Variants in MTFR1L observed in about 807,000 individuals in gnomAD.
The protein encoded by MTFR1L is mitochondrial fission regulator 1 like, also known as mitochondrial fission regulator 1-like.
In MTFR1L, 10 loss-of-function variants were observed where a neutral mutation model predicts 27.9. That is an observed-to-expected ratio of 0.36 (90% CI 0.22 to 0.61). The LOEUF (loss-of-function observed/expected upper bound fraction) is 0.61, where lower values mean the gene tolerates loss of function less well. Ranked by LOEUF, MTFR1L falls within the 20% of genes least tolerant of loss-of-function variation. The pLI is 0.73. For synonymous variants in MTFR1L, 151 were observed against 139.4 expected, an observed-to-expected ratio of 1.08 and a Z score of -0.58; for missense variants, 315 against 363.7, an observed-to-expected ratio of 0.87 and a Z score of 1.09.
In MTFR1L at chr1:25,826,257, T is replaced by C. The variant is rs748088147; in HGVS notation, c.130-45T>C. 6.4e-7 allele frequency: 1 copy of C among 1,555,646 alleles called. No homozygotes were observed. The highest frequency in any genetic ancestry group is 1.1e-5 in the South Asian group (1 of 89,028). ...GTGTATTCTGCAGTTTCTGATTGGCTCATCATGGCATCTGTAAATGTTGAT... is the reference window on the plus strand; with the variant it reads ...GTGTATTCTGCAGTTTCTGATTGGCCCATCATGGCATCTGTAAATGTTGAT... On this transcript the variant is annotated intron_variant, in intron 3 of 6. Coordinates refer to ENST00000374303, the MANE Select transcript of MTFR1L (RefSeq NM_001099625.2). The surrounding 1 kb of genome is among the most constrained non-coding windows in gnomAD (Gnocchi z 4.1).
intron 1 of MTFR1L, 43 bp from the exon 2 acceptor site, chr1:25,822,975 TG>T: frequency 6.5e-7 from 1 of 1,535,948 alleles, no homozygotes; most frequent in Non-Finnish European, 9.0e-7. Context: ...AAATCCCCAC[TG>T]TGGGGGGTTG....
At chr1:25,821,384 G>A (rs931729503) in intron 1 of MTFR1L, 2 of 152,714 alleles carry the variant, frequency 1.3e-5, no homozygotes, top group Non-Finnish European at 2.9e-5. Flanking sequence ...GGCTTGAACT[G>A]AGCCGAGAAG....
intron 1 of MTFR1L, chr1:25,820,658 A>G (rs1377508457): frequency 7.1e-6 from 3 of 424,816 alleles, no homozygotes; most frequent in South Asian, 5.0e-5. Flanking sequence ...CGGGGCGCAG[A>G]GGTGACAAGA....
chr1:25,824,490 C>T (rs1484940148), intron 3 of MTFR1L, among the ~76,000 whole-genome samples: 3 of 152,134 alleles, frequency 2.0e-5, no homozygotes, highest in African/African-American at 7.2e-5. Flanking sequence ...GCTTTCTACC[C>T]ACACAGAGGA....
Position 25,823,319 on chromosome 1 carries a change from T to G in MTFR1L, c.24+191T>G, listed in dbSNP as rs1288769559. 5.5e-6 allele frequency: 4 copies of G among 731,604 alleles called. No individual in the cohort carries two copies. In the African/African-American group the frequency reaches 6.9e-5, roughly 13 times the overall value. 45.3% of individuals were successfully genotyped at this position (731,604 alleles called of 1,614,324 possible). A position where few individuals can be genotyped will look rare whatever the true frequency, so the allele number is the denominator to read the frequency against. On this transcript the variant is annotated intron_variant, in intron 2 of 6. Transcript: ENST00000374303. ...CTATGATCCTGGGGCACTTCAGGAG[T>G]CAGTGTATGTCTGCCTTTCTGTACA...
intron 5 of MTFR1L, among the ~76,000 whole-genome samples, chr1:25,829,035 A>C (rs576502133): frequency 6.6e-6 from 1 of 152,260 alleles, no homozygotes; most frequent in South Asian, 2.1e-4. Flanking sequence ...CTCTCCACTG[A>C]AATTTGGGGA....
chr1:25,821,597 CAGTCT>C (rs1317391773), intron 1 of MTFR1L: 1 of 152,318 alleles, frequency 6.6e-6, no homozygotes, highest in Non-Finnish European at 1.5e-5. Context: ...GCTGCTTTGT[CAGTCT>C]AGTCTATCTC....
At chr1:25,823,160 G>T (rs1354953764) in intron 2 of MTFR1L, 32 bp downstream of exon 2, 1 of 1,599,884 alleles carries the variant, frequency 6.3e-7, no homozygotes, top group Non-Finnish European at 8.6e-7. Flanking sequence ...GGGGTATGGT[G>T]GGGAAGGTTG....
At chr1:25,823,861 A>C in intron 3 of MTFR1L, 113 bp downstream of exon 3, 1 of 1,308,866 alleles carries the variant, frequency 7.6e-7, no homozygotes, top group Non-Finnish European at 1.0e-6. Flanking sequence ...TCATTCTGTT[A>C]TGAAATATTT....
intron 2 of MTFR1L, 62 bp from the exon 3 acceptor site, chr1:25,823,582 G>A: frequency 6.3e-7 from 1 of 1,584,008 alleles, no homozygotes; most frequent in East Asian, 2.3e-5. Context: ...GAGAGGAGAG[G>A]ACAAGGACAG....
At position 25,826,293 on chromosome 1, in the gene MTFR1L, T is replaced by C; in HGVS notation, c.130-9T>C. Reference sequence around the variant, plus strand: ...TCTGTAAATGTTGATGACTTTTGCTTCTCCATAGACCCTGCCCAACATCTC... The same window carrying C: ...TCTGTAAATGTTGATGACTTTTGCTCCTCCATAGACCCTGCCCAACATCTC... On this transcript the variant is annotated splice_polypyrimidine_tract_variant and intron_variant, in intron 3 of 6. Transcript: ENST00000374303. This position sits in a 1 kb window ranked among gnomAD's most constrained non-coding sequence, Gnocchi z 4.1. 6.2e-7 allele frequency: 1 copy of C among 1,613,234 alleles called. No homozygotes were observed. Among genetic ancestry groups the C allele is most frequent in the African/African-American group, 1.3e-5 (1 of 74,982 alleles).
intron 1 of MTFR1L, chr1:25,821,026 A>C (rs2048084384): frequency 3.7e-6 from 1 of 268,374 alleles, no homozygotes; most frequent in Non-Finnish European, 7.2e-6. Flanking sequence ...TTGGGGGTTG[A>C]GGGCCAGTGT....
In MTFR1L at chr1:25,823,143, C is replaced by T. The variant is rs757685699; in HGVS notation, c.24+15C>T. The T allele has an allele frequency of 1.6e-5, 25 of 1,612,734 alleles. No individual in the cohort carries two copies. Among genetic ancestry groups the T allele is most frequent in the Non-Finnish European group, 2.1e-5 (25 of 1,178,834 alleles). ...AAGCCACTGTGGTAAGGGGCATTCC[C>T]AGGGCAGGGGTATGGTGGGGAAGGT... On this transcript the variant is annotated intron_variant, in intron 2 of 6. Transcript: ENST00000374303.
At chr1:25,829,231 G>A (rs910236590) in intron 5 of MTFR1L, among the ~76,000 whole-genome samples, 2 of 152,194 alleles carry the variant, frequency 1.3e-5, no homozygotes, top group Non-Finnish European at 2.9e-5. Context: ...GCCTATTGTG[G>A]AATGGGAGCT....
intron 1 of MTFR1L, chr1:25,820,727 G>A: frequency 4.6e-6 from 2 of 436,092 alleles, no homozygotes; most frequent in Non-Finnish European, 9.1e-6. Flanking sequence ...ACTTGGGGGC[G>A]GGGGTGACAG....
intron 1 of MTFR1L, chr1:25,820,747 T>C (rs1398427982): frequency 2.3e-6 from 1 of 439,716 alleles, no homozygotes; most frequent in Admixed American, 2.5e-5. Context: ...GCTGAGTTGG[T>C]GTTCCCCTTC....
Position 25,824,560 on chromosome 1 carries a change from A to G in MTFR1L, c.129+812A>G, listed in dbSNP as rs369640467. Among the ~76,000 whole-genome samples the G allele has an allele frequency of 1.2e-3, 188 of 152,362 alleles. 1 individual carries two copies. Among genetic ancestry groups the G allele is most frequent in the African/African-American group, 4.4e-3 (181 of 41,586 alleles). ...GGTAGAAACAGAAATGAAGGAGCCA[A>G]ATCTGTATAAAAGATGCTAAGAAGC... On this transcript the variant is annotated intron_variant, in intron 3 of 6. Transcript: ENST00000374303.
At position 25,826,947 on chromosome 1, in the gene MTFR1L, T is replaced by G; in HGVS notation, c.451+121T>G. On this transcript the variant is annotated intron_variant, in intron 5 of 6. Coordinates refer to ENST00000374303, the MANE Select transcript of MTFR1L (RefSeq NM_001099625.2). The surrounding 1 kb of genome is among the most constrained non-coding windows in gnomAD (Gnocchi z 4.1). The stretch of plus-strand genomic sequence containing the variant: ...TTGCAGGTACTTAGGTTCCGGGCCC[T>G]GGGGTTGTCCTGAAGCCTGGCTAGC... The G allele has an allele frequency of 1.8e-6, 2 of 1,141,962 alleles. No homozygotes were observed. The highest frequency in any genetic ancestry group is 2.5e-6 in the Non-Finnish European group (2 of 802,774). 70.7% of individuals were successfully genotyped at this position (1,141,962 alleles called of 1,614,324 possible).
At position 25,826,508 on chromosome 1, in the gene MTFR1L, GA is replaced by G; in HGVS notation, c.239+98del. ...GAGGAATGAGAACTGTGGGCTCAGA[GA>G]GGAGCAGAACCTTACTATACTACTC... On this transcript the variant is annotated intron_variant, in intron 4 of 6. Transcript: ENST00000374303. The surrounding 1 kb of genome is among the most constrained non-coding windows in gnomAD (Gnocchi z 4.1). The G allele has an allele frequency of 6.3e-7, 1 of 1,578,624 alleles. No homozygotes were observed. Among genetic ancestry groups the G allele is most frequent in the Non-Finnish European group, 8.7e-7 (1 of 1,148,852 alleles).
Sources: allele counts gnomAD v4.1 joint callset (sites outside exome capture counted in the v4.1 genomes callset), GRCh38; gene constraint gnomAD v4.1.1; non-coding constraint Gnocchi (gnomAD v3.1); transcripts MANE v1.5; gene names NCBI Gene and HGNC (gene_info 2026-07-23, HGNC 2026-07-21).